Variants in PLAAT2 observed in about 807,000 individuals in gnomAD.
The protein encoded by PLAAT2 is HRAS like suppressor 2.
In PLAAT2, 12 loss-of-function variants were observed where a neutral mutation model predicts 12.8. That is an observed-to-expected ratio of 0.94 (90% CI 0.60 to 1.52). The LOEUF is 1.52. Ranked by LOEUF, PLAAT2 falls within the 40% of genes most tolerant of loss-of-function variation. PLAAT2 has a pLI of 0.00. For missense variants in PLAAT2, 166 were observed against 208.1 expected, an observed-to-expected ratio of 0.80 and a Z score of 1.24; for synonymous variants, 79 against 86.8, an observed-to-expected ratio of 0.91 and a Z score of 0.50.
chr11:63,561,336 G>T (rs2017516246), intron 1 of PLAAT2, among the ~76,000 whole-genome samples: 1 of 152,122 alleles, frequency 6.6e-6, no homozygotes, highest in African/African-American at 2.4e-5. Context: ...GTGGGAGTGG[G>T]TGAGGAATAA....
At chr11:63,557,111 A>G (rs901793306) in intron 3 of PLAAT2, among the ~76,000 whole-genome samples, 1 of 152,248 alleles carries the variant, frequency 6.6e-6, no homozygotes. Flanking sequence ...TGTGAAGAAA[A>G]CATGTACACA....
chr11:63,561,717 C>T (rs931567579), intron 1 of PLAAT2, among the ~76,000 whole-genome samples: 2 of 147,442 alleles, frequency 1.4e-5, no homozygotes, highest in African/African-American at 2.5e-5. Context: ...GATAGGTACA[C>T]CAAAATCTCA....
chr11:63,554,123 T>C (rs982913120), intron 3 of PLAAT2, among the ~76,000 whole-genome samples: 1 of 130,350 alleles, frequency 7.7e-6, no homozygotes, highest in Non-Finnish European at 1.6e-5. Context: ...TGGGCCACTG[T>C]CTCTGAGAGA....
intron 3 of PLAAT2, 59 bp downstream of exon 3, chr11:63,558,333 C>T (rs2017486123): frequency 1.3e-6 from 2 of 1,589,912 alleles, no homozygotes; most frequent in East Asian, 4.5e-5. Flanking sequence ...GGGACCCAGC[C>T]TCTGGCAGCT....
At chr11:63,554,265 G>A (rs17656246) in intron 3 of PLAAT2, among the ~76,000 whole-genome samples, 14,462 of 152,164 alleles carry the variant, frequency 0.095, 956 homozygotes, top group Non-Finnish European at 0.15. Flanking sequence ...TAATCTGCCT[G>A]ACAACTCTAG....
intron 3 of PLAAT2, among the ~76,000 whole-genome samples, chr11:63,553,675 A>G (rs978324127): frequency 4.6e-5 from 7 of 152,152 alleles, no homozygotes; most frequent in Non-Finnish European, 8.8e-5. Context: ...TAATTAAAGC[A>G]AAAAGCATAG....
At chr11:63,556,782 C>T (rs1197435008) in intron 3 of PLAAT2, among the ~76,000 whole-genome samples, 2 of 152,198 alleles carry the variant, frequency 1.3e-5, no homozygotes, top group East Asian at 3.8e-4. Context: ...GGTGTAAACA[C>T]TCCTAGTCAC....
intron 2 of PLAAT2, among the ~76,000 whole-genome samples, chr11:63,559,347 G>C (rs574723570): frequency 6.6e-6 from 1 of 152,126 alleles, no homozygotes; most frequent in Non-Finnish European, 1.5e-5. Context: ...CCCTGAGCCA[G>C]TGCTGTGGGA....
Position 63,560,140 on chromosome 11 carries a change from A to G in PLAAT2, c.63T>C (p.Tyr21=), listed in dbSNP as rs776966387. 1.2e-6 allele frequency: 2 copies of G among 1,613,894 alleles called. No homozygotes were observed. The highest frequency in any genetic ancestry group is 2.7e-5 in the African/African-American group (2 of 74,932). Residue 21 remains tyrosine, a synonymous_variant, in exon 2 of 4, where the codon TAT becomes TAC. Coordinates refer to ENST00000255695, the MANE Select transcript of PLAAT2 (RefSeq NM_017878.2). ...CTCCCACGTAGATGGCCCAGTGTGC[A>G]TAGCCAAAGCGAGAAATCTCAATCA... ...GDLIEISRFG[Y]AHWAIYVGDG... is the part of the protein sequence containing the mutation.
chr11:63,555,322 A>G (rs1430248330), intron 3 of PLAAT2, among the ~76,000 whole-genome samples: 1 of 152,150 alleles, frequency 6.6e-6, no homozygotes, highest in Non-Finnish European at 1.5e-5. Context: ...AAACATTTGG[A>G]AAAAAAATTT....
chr11:63,558,643 C>T lies in PLAAT2; in HGVS notation c.136G>A (p.Gly46Ser), dbSNP rs369225060. 1.9e-6 allele frequency: 3 copies of T among 1,614,096 alleles called. No homozygotes were observed. The highest frequency in any genetic ancestry group is 2.7e-5 in the African/African-American group (2 of 74,934). The change falls in exon 3 of 4, where the codon GGT (glycine) becomes AGT (serine). Residue 46 changes from glycine (G) to serine (S), a missense_variant. By Grantham distance (56) the Gly-to-Ser change is moderately conservative (BLOSUM62 0). Transcript: ENST00000255695. ...AGGGCAGACAGGACACTGGCCGCAC[C>T]AGCTCCAGCAATTTCACCTGTGCAA... ...LAPASEIAGA[G>S]AASVLSALTN...
At chr11:63,564,929 AG>A (rs1351923164), upstream of PLAAT2, among the ~76,000 whole-genome samples, 3 of 152,130 alleles carry the variant, frequency 2.0e-5, no homozygotes, top group East Asian at 5.8e-4. Context: ...CAGACCATGC[AG>A]GGCGGAGTTG....
chr11:63,559,313 A>G (rs2017497038), intron 2 of PLAAT2, among the ~76,000 whole-genome samples: 1 of 152,140 alleles, frequency 6.6e-6, no homozygotes, highest in Admixed American at 6.6e-5. Flanking sequence ...CAAAAAGGTA[A>G]AGAAAAGAAA....
At chr11:63,556,200 A>T (rs922778102) in intron 3 of PLAAT2, among the ~76,000 whole-genome samples, 6 of 152,210 alleles carry the variant, frequency 3.9e-5, no homozygotes, top group African/African-American at 1.4e-4. Context: ...AGACAGACAG[A>T]GTCAGATGAG....
chr11:63,563,299 C>A lies in PLAAT2; in HGVS notation c.9+17G>T. ...GTTCCTCAAATCAAAGCTTTAAAACCGTTTCTGGGGACTTACCAAAGCCAT... is the reference window on the plus strand; with the variant it reads ...GTTCCTCAAATCAAAGCTTTAAAACAGTTTCTGGGGACTTACCAAAGCCAT... On this transcript the variant is annotated intron_variant, in intron 1 of 3. Coordinates refer to ENST00000255695, the MANE Select transcript of PLAAT2 (RefSeq NM_017878.2). 2 of 1,614,004 alleles carry A rather than the reference C, an allele frequency of 1.2e-6. No individual in the cohort carries two copies. Among genetic ancestry groups the A allele is most frequent in the Non-Finnish European group, 1.7e-6 (2 of 1,179,982 alleles).
chr11:63,555,892 A>G (rs2017461918), intron 3 of PLAAT2, among the ~76,000 whole-genome samples: 1 of 152,256 alleles, frequency 6.6e-6, no homozygotes, highest in Non-Finnish European at 1.5e-5. Context: ...GGAAGGATTC[A>G]TAATTATAAG....
chr11:63,563,416 A>G, upstream of PLAAT2: 1 of 1,536,260 alleles, frequency 6.5e-7, no homozygotes, highest in Non-Finnish European at 9.0e-7. Context: ...CCCAGCCCAT[A>G]TACAACTATT....
chr11:63,554,455 G>C (rs925321237), intron 3 of PLAAT2, among the ~76,000 whole-genome samples: 2 of 151,558 alleles, frequency 1.3e-5, no homozygotes, highest in Non-Finnish European at 2.9e-5. Flanking sequence ...AACATGGTGA[G>C]ACCCCCGTCT....
chr11:63,553,913 C>A (rs1288741495), intron 3 of PLAAT2, among the ~76,000 whole-genome samples: 1 of 152,168 alleles, frequency 6.6e-6, no homozygotes, highest in East Asian at 1.9e-4. Flanking sequence ...CAAATGCTGG[C>A]CCATGAGGAG....
Sources: gnomAD v4.1 joint callset for allele counts (sites outside exome capture counted in the v4.1 genomes callset) on GRCh38, gnomAD v4.1.1 for gene constraint, MANE v1.5 for transcripts, NCBI Gene and HGNC (gene_info 2026-07-23, HGNC 2026-07-21) for gene names.